The following WWOX variants were observed in gnomAD, a reference collection of about 807,000 sequenced individuals.
WWOX encodes WW domain containing oxidoreductase, also known as WW domain-containing oxidoreductase.
A neutral mutation model predicts 46.2 loss-of-function variants in WWOX; 69 were observed. The observed-to-expected ratio is 1.49, with a 90% CI of 1.23 to 1.82. WWOX has a LOEUF of 1.82. WWOX is among the 40% of genes most tolerant of loss of function. The probability of loss-of-function intolerance (pLI) is 0.00; values close to 1 mark genes in which losing one functional copy is unlikely to be tolerated. For synonymous variants in WWOX, 359 were observed against 202.6 expected (o/e 1.77, Z -6.56); for missense variants, 919 against 542.6 (o/e 1.69, Z -6.89).
At chr16:78,481,717 C>A (rs1018316986) in intron 8 of WWOX, among the ~76,000 whole-genome samples, 1 of 104,092 alleles carries the variant, frequency 9.6e-6, no homozygotes, top group Non-Finnish European at 2.2e-5. Flanking sequence ...TTGCTCAGGG[C>A]AAGGGAAGTG....
chr16:79,056,171 C>G (rs373471211), intron 8 of WWOX, among the ~76,000 whole-genome samples: 1 of 151,204 alleles, frequency 6.6e-6, no homozygotes, highest in Admixed American at 6.6e-5. Flanking sequence ...ACTAAAGTTT[C>G]CCTTCTTTGG....
chr16:78,798,315 A>G (rs894529947), intron 8 of WWOX, among the ~76,000 whole-genome samples: 2 of 152,064 alleles, frequency 1.3e-5, no homozygotes, highest in African/African-American at 2.4e-5. Context: ...AAGAGAGAGA[A>G]AAAAAAAGAA....
At chr16:78,662,702 G>C (rs969802524) in intron 8 of WWOX, among the ~76,000 whole-genome samples, 2 of 152,224 alleles carry the variant, frequency 1.3e-5, no homozygotes, top group East Asian at 3.9e-4. Context: ...ATCTCTTGCA[G>C]GCTGTAATTG....
intron 8 of WWOX, among the ~76,000 whole-genome samples, chr16:79,061,060 A>C (rs535347911): frequency 2.0e-5 from 3 of 152,314 alleles, no homozygotes; most frequent in African/African-American, 7.2e-5. Flanking sequence ...TTCATACCAC[A>C]CAGCCTCTCG....
intron 8 of WWOX, among the ~76,000 whole-genome samples, chr16:79,129,746 C>G (rs2049837122): frequency 6.6e-6 from 1 of 152,104 alleles, no homozygotes; most frequent in African/African-American, 2.4e-5. Flanking sequence ...ATAAATTATT[C>G]AATCCATGCA....
chr16:78,301,758 C>G (rs746539410), intron 5 of WWOX, among the ~76,000 whole-genome samples: 2 of 152,268 alleles, frequency 1.3e-5, no homozygotes, highest in African/African-American at 2.4e-5. Context: ...GATGGTTCAA[C>G]TACAGCACAG....
intron 1 of WWOX, among the ~76,000 whole-genome samples, chr16:78,106,358 C>T (rs1288931610): frequency 3.3e-5 from 5 of 150,618 alleles, no homozygotes; most frequent in Non-Finnish European, 5.9e-5. Flanking sequence ...AATATTCCCA[C>T]TGTGCCAGCA....
intron 5 of WWOX, among the ~76,000 whole-genome samples, chr16:78,225,989 T>TA (rs2037041578): frequency 6.6e-6 from 1 of 152,206 alleles, no homozygotes; most frequent in Non-Finnish European, 1.5e-5. Context: ...CTAATACTGC[T>TA]ATTCCTTTTA....
At chr16:78,938,353 A>G (rs2045785006) in intron 8 of WWOX, among the ~76,000 whole-genome samples, 1 of 152,186 alleles carries the variant, frequency 6.6e-6, no homozygotes, top group Admixed American at 6.5e-5. Context: ...GAACCCGTGT[A>G]TACCACTGAC....
chr16:78,425,161 C>G, intron 7 of WWOX, 106 bp downstream of exon 7: 1 of 1,462,234 alleles, frequency 6.8e-7, no homozygotes, highest in Non-Finnish European at 9.5e-7. Flanking sequence ...CTGCTTGAGA[C>G]ATGTGGGTGG....
At chr16:78,615,518 C>T (rs1021308686) in intron 8 of WWOX, among the ~76,000 whole-genome samples, 12 of 151,856 alleles carry the variant, frequency 7.9e-5, no homozygotes, top group African/African-American at 2.9e-4. Context: ...TGTGGTGGTG[C>T]ACATCTCTAG....
chr16:78,509,299 G>C (rs2085297378), intron 8 of WWOX, among the ~76,000 whole-genome samples: 1 of 152,146 alleles, frequency 6.6e-6, no homozygotes, highest in African/African-American at 2.4e-5. Flanking sequence ...AGTTAGCCGA[G>C]CGTGATGGCC....
chr16:78,817,380 C>T (rs1226660348), intron 8 of WWOX, among the ~76,000 whole-genome samples: 2 of 151,968 alleles, frequency 1.3e-5, no homozygotes, highest in Non-Finnish European at 2.9e-5. Flanking sequence ...TAGTGCAGGC[C>T]AGCCTGCCAG....
chr16:79,202,433 A>G (rs2051374550), intron 8 of WWOX, among the ~76,000 whole-genome samples: 1 of 152,212 alleles, frequency 6.6e-6, no homozygotes, highest in Non-Finnish European at 1.5e-5. Flanking sequence ...GAAAGATCCA[A>G]AGAAACCTAC....
At chr16:78,705,326 A>C (rs2142307070) in intron 8 of WWOX, among the ~76,000 whole-genome samples, 1 of 152,350 alleles carries the variant, frequency 6.6e-6, no homozygotes, top group East Asian at 1.9e-4. Context: ...CCTAGCTGAC[A>C]ACATGGTCTA....
chr16:78,911,101 C>G (rs78061629), intron 8 of WWOX, among the ~76,000 whole-genome samples: 2 of 152,000 alleles, frequency 1.3e-5, no homozygotes, highest in East Asian at 1.9e-4. Context: ...TTCTTGTTCT[C>G]CCCAGTTGCA....
rs183253451 is a variant in WWOX at position 78,873,326 on chromosome 16, T to A, written c.1057-338282T>A. 222 of 152,338 alleles carry A rather than the reference T, an allele frequency of 1.5e-3. 1 individual carries two copies. Among genetic ancestry groups the A allele is most frequent in the African/African-American group, 5.2e-3 (218 of 41,580 alleles). 9.4% of individuals were successfully genotyped at this position (152,338 alleles called of 1,614,324 possible). On this transcript the variant is annotated intron_variant, in intron 8 of 8. Coordinates refer to ENST00000566780, the MANE Select transcript of WWOX (RefSeq NM_016373.4). Reference sequence around the variant, plus strand: ...TTGGAATTAAGAAGGGACTAGCTCCTATTATCAGAGATCTGGTCATCACCC... The same window carrying A: ...TTGGAATTAAGAAGGGACTAGCTCCAATTATCAGAGATCTGGTCATCACCC...
chr16:78,509,711 T>C lies in WWOX; in HGVS notation c.1056+76959T>C, dbSNP rs190599377. Among the ~76,000 whole-genome samples the C allele has an allele frequency of 3.0e-4, 45 of 152,270 alleles. No individual in the cohort carries two copies. In the East Asian group the frequency reaches 4.6e-3, roughly 16 times the overall value. On this transcript the variant is annotated intron_variant, in intron 8 of 8. Coordinates refer to ENST00000566780, the MANE Select transcript of WWOX (RefSeq NM_016373.4). ...GATCAAGCCTTCACTGTTTTGTTTA[T>C]ATTGTCTTGACTTAGAAAGTGATTG... is the stretch of plus-strand genomic sequence containing the variant.
At chr16:78,974,077 C>G (rs554145730) in intron 8 of WWOX, among the ~76,000 whole-genome samples, 8 of 152,316 alleles carry the variant, frequency 5.3e-5, no homozygotes, top group African/African-American at 1.9e-4. Context: ...CTGAAAAAAT[C>G]TTGCATTCAA....
Sources: allele counts gnomAD v4.1 joint callset (sites outside exome capture counted in the v4.1 genomes callset), GRCh38; gene constraint gnomAD v4.1.1; transcripts MANE v1.5; gene names NCBI Gene and HGNC (gene_info 2026-07-23, HGNC 2026-07-21).